CPQ: variants seen among roughly 807,000 people sequenced by gnomAD.
CPQ encodes the protein Ser-Met dipeptidase.
A neutral mutation model predicts 45.7 loss-of-function variants in CPQ; 37 were observed. The ratio of observed to expected loss-of-function variants is 0.81; its 90% CI spans 0.62 to 1.07. The LOEUF (loss-of-function observed/expected upper bound fraction) is 1.07, where lower values mean the gene tolerates loss of function less well. Among genes scored for constraint, CPQ ranks in the 50% least tolerant of loss-of-function variants. The probability of loss-of-function intolerance (pLI) is 0.00; values close to 1 mark genes in which losing one functional copy is unlikely to be tolerated. For missense variants in CPQ, 537 were observed against 572.9 expected (o/e 0.94, Z 0.64); for synonymous variants, 186 against 205.8 (o/e 0.90, Z 0.82).
At chr8:96,664,356 C>T (rs984585382) in intron 1 of CPQ, among the ~76,000 whole-genome samples, 2 of 152,282 alleles carry the variant, frequency 1.3e-5, no homozygotes, top group African/African-American at 2.4e-5. Context: ...AAAGACAAAG[C>T]ATGTCATGGT....
At chr8:96,677,462 T>C (rs1809090168) in intron 1 of CPQ, among the ~76,000 whole-genome samples, 1 of 152,078 alleles carries the variant, frequency 6.6e-6, no homozygotes, top group Non-Finnish European at 1.5e-5. Flanking sequence ...TGGTGGCTGT[T>C]TGTATGTCTT....
At chr8:96,859,858 A>G (rs1387600619) in intron 3 of CPQ, among the ~76,000 whole-genome samples, 1 of 152,176 alleles carries the variant, frequency 6.6e-6, no homozygotes. Context: ...TTATAATTTA[A>G]AATGAAGTAC....
chr8:96,652,085 CTTGT>C (rs1248485910), intron 1 of CPQ, among the ~76,000 whole-genome samples: 1 of 152,182 alleles, frequency 6.6e-6, no homozygotes, highest in African/African-American at 2.4e-5. Flanking sequence ...ATTTATTCCT[CTTGT>C]TTAATTGAAA....
intron 7 of CPQ, among the ~76,000 whole-genome samples, chr8:97,117,066 G>C (rs1222423451): frequency 6.6e-6 from 1 of 152,198 alleles, no homozygotes; most frequent in Non-Finnish European, 1.5e-5. Context: ...GCTAACTGAT[G>C]AATTACAAGA....
intron 5 of CPQ, among the ~76,000 whole-genome samples, chr8:96,978,475 A>G (rs1248696188): frequency 1.3e-5 from 2 of 152,222 alleles, no homozygotes; most frequent in Non-Finnish European, 2.9e-5. Flanking sequence ...TTGTTATTGT[A>G]TCATTTAGTT....
intron 2 of CPQ, among the ~76,000 whole-genome samples, chr8:96,794,217 C>G (rs2130817135): frequency 6.6e-6 from 1 of 152,308 alleles, no homozygotes; most frequent in African/African-American, 2.4e-5. Context: ...CCTGGACATC[C>G]AGATGTTTCC....
chr8:96,775,886 A>G (rs575757276), intron 1 of CPQ, among the ~76,000 whole-genome samples: 2 of 152,308 alleles, frequency 1.3e-5, no homozygotes, highest in East Asian at 3.9e-4. Context: ...AGCATCATCC[A>G]TATTAAAAAC....
intron 4 of CPQ, among the ~76,000 whole-genome samples, chr8:96,896,310 G>T (rs1812441964): frequency 6.6e-6 from 1 of 152,040 alleles, no homozygotes; most frequent in African/African-American, 2.4e-5. Context: ...CACACTTCCT[G>T]TAAGATAATA....
At chr8:96,951,279 A>G (rs922336182) in intron 4 of CPQ, among the ~76,000 whole-genome samples, 2 of 152,074 alleles carry the variant, frequency 1.3e-5, no homozygotes, top group African/African-American at 2.4e-5. Context: ...TCTCATTTCT[A>G]TGTGAAATAT....
chr8:97,084,874 C>G (rs1011756372), intron 7 of CPQ, among the ~76,000 whole-genome samples: 1 of 151,400 alleles, frequency 6.6e-6, no homozygotes, highest in Admixed American at 6.6e-5. Context: ...AGAACCACAC[C>G]AGGAATTGAG....
intron 1 of CPQ, among the ~76,000 whole-genome samples, chr8:96,757,745 T>A (rs1447298314): frequency 6.6e-6 from 1 of 152,170 alleles, no homozygotes; most frequent in Non-Finnish European, 1.5e-5. Flanking sequence ...AGAAAACTCT[T>A]TTTAGAAGTT....
At chr8:96,723,531 G>A (rs546464812) in intron 1 of CPQ, among the ~76,000 whole-genome samples, 35 of 152,228 alleles carry the variant, frequency 2.3e-4, no homozygotes, top group Middle Eastern at 3.4e-3. Flanking sequence ...GTCTGAAGAA[G>A]GCTTGCGTTG....
chr8:96,926,564 CTCTTCCTCTTCCTCTTCTTCT>C lies in CPQ; in HGVS notation c.850-39365_850-39345del, dbSNP rs1812879546. Reference sequence around the variant, plus strand: ...CTTCTTCCTCTTCCTCTTCCTCTTCCTCTTCCTCTTCCTCTTCTTCTTCTTCTTCTTCTTCTTCTTCTTCTT... The same window carrying C: ...CTTCTTCCTCTTCCTCTTCCTCTTCCTCTTCTTCTTCTTCTTCTTCTTCTT... On this transcript the variant is annotated intron_variant, in intron 4 of 7. Coordinates refer to ENST00000220763, the MANE Select transcript of CPQ (RefSeq NM_016134.4). Among the ~76,000 whole-genome samples the C allele has an allele frequency of 6.2e-5, 4 of 64,278 alleles. 1 individual carries two copies. Among genetic ancestry groups the C allele is most frequent in the South Asian group, 8.7e-4 (2 of 2,294 alleles). 42.2% of individuals were successfully genotyped at this position (64,278 alleles called of 152,430 possible).
intron 6 of CPQ, among the ~76,000 whole-genome samples, chr8:97,044,353 C>G (rs568847427): frequency 6.6e-6 from 1 of 152,304 alleles, no homozygotes; most frequent in East Asian, 1.9e-4. Flanking sequence ...TTAAGCACTT[C>G]TCTGTATTGG....
chr8:97,053,035 T>A (rs1486281479), intron 6 of CPQ, among the ~76,000 whole-genome samples: 1 of 152,190 alleles, frequency 6.6e-6, no homozygotes, highest in Admixed American at 6.6e-5. Context: ...ATCACCAACA[T>A]GAGTAACCAC....
intron 5 of CPQ, among the ~76,000 whole-genome samples, chr8:97,010,320 A>C (rs1226220334): frequency 6.6e-6 from 1 of 152,166 alleles, no homozygotes; most frequent in South Asian, 2.1e-4. Flanking sequence ...GCATTGGAGT[A>C]AAAATATAAA....
chr8:97,080,350 GTCTTAGAGTAACAT>G (rs1810923840), intron 7 of CPQ, among the ~76,000 whole-genome samples: 1 of 33,812 alleles, frequency 3.0e-5, no homozygotes, highest in African/African-American at 6.3e-5. Context: ...TGACATTTCA[GTCTTAGAGTAACAT>G]TTCACTGATT....
chr8:96,772,292 G>A (rs1438367074), intron 1 of CPQ, among the ~76,000 whole-genome samples: 5 of 152,078 alleles, frequency 3.3e-5, no homozygotes, highest in African/African-American at 1.2e-4. Flanking sequence ...AGCACTTACT[G>A]ATTAACTGAC....
At chr8:96,795,424 G>A (rs1174891172) in intron 2 of CPQ, among the ~76,000 whole-genome samples, 3 of 152,116 alleles carry the variant, frequency 2.0e-5, no homozygotes, top group Non-Finnish European at 4.4e-5. Context: ...GGAAATTCAA[G>A]ATGAAATTTG....
Sources: allele counts gnomAD v4.1 joint callset (sites outside exome capture counted in the v4.1 genomes callset), GRCh38; gene constraint gnomAD v4.1.1; transcripts MANE v1.5; gene names NCBI Gene and HGNC (gene_info 2026-07-23, HGNC 2026-07-21).